ASB5: variants seen among roughly 807,000 people sequenced by gnomAD.
ASB5 encodes ankyrin repeat and SOCS box protein 5.
Under a neutral mutation model 42.1 loss-of-function variants are expected in ASB5, and 45 were observed. The ratio of observed to expected loss-of-function variants is 1.07; its 90% CI spans 0.84 to 1.37. The LOEUF (loss-of-function observed/expected upper bound fraction) is 1.37, where lower values mean the gene tolerates loss of function less well. ASB5 is among the 40% of genes most tolerant of loss of function. The probability of loss-of-function intolerance (pLI) is 0.00; values close to 1 mark genes in which losing one functional copy is unlikely to be tolerated. For missense variants in ASB5, 402 were observed against 399.8 expected (o/e 1.01, Z -0.05); for synonymous variants, 147 against 150.6 (o/e 0.98, Z 0.18).
At chr4:176,273,459 A>G (rs565221036), upstream of ASB5, among the ~76,000 whole-genome samples, 1 of 152,282 alleles carries the variant, frequency 6.6e-6, no homozygotes, top group South Asian at 2.1e-4. Flanking sequence ...AAATCTCGTG[A>G]GAAAAAAAAA....
chr4:176,258,360 A>T (rs1370723973), intron 1 of ASB5, among the ~76,000 whole-genome samples: 3 of 152,196 alleles, frequency 2.0e-5, no homozygotes, highest in Admixed American at 6.5e-5. Context: ...ACATTGTGCA[A>T]TATGCAAGGG....
intron 1 of ASB5, among the ~76,000 whole-genome samples, chr4:176,236,535 C>A (rs1753688387): frequency 6.6e-6 from 1 of 152,126 alleles, no homozygotes; most frequent in Non-Finnish European, 1.5e-5. Flanking sequence ...AGTAGGGATC[C>A]AGTTGCTTTC....
chr4:176,259,201 C>T (rs1409965491), intron 1 of ASB5, among the ~76,000 whole-genome samples: 2 of 152,096 alleles, frequency 1.3e-5, no homozygotes, highest in African/African-American at 2.4e-5. Context: ...AACAGATCTG[C>T]GACCTGTGTA....
intron 1 of ASB5, among the ~76,000 whole-genome samples, chr4:176,231,223 T>A (rs574871792): frequency 1.3e-5 from 1 of 78,066 alleles, no homozygotes; most frequent in Admixed American, 1.3e-4. Context: ...ATCCGACTCA[T>A]AATTTTTTTT....
chr4:176,271,488 A>G (rs756918062), upstream of ASB5, among the ~76,000 whole-genome samples: 2 of 152,192 alleles, frequency 1.3e-5, no homozygotes, highest in African/African-American at 2.4e-5. Flanking sequence ...ATGTTTTTAT[A>G]ATATACCATG....
intron 2 of ASB5, 125 bp downstream of exon 2, chr4:176,225,137 A>G: frequency 1.5e-6 from 1 of 658,974 alleles, no homozygotes; most frequent in Non-Finnish European, 2.6e-6. Context: ...CTTCTCTGAC[A>G]TGAGTTAAAA....
At chr4:176,217,837 A>G (rs959885598) in intron 5 of ASB5, among the ~76,000 whole-genome samples, 8 of 152,050 alleles carry the variant, frequency 5.3e-5, no homozygotes, top group Admixed American at 1.3e-4. Context: ...ATAAAAATGC[A>G]TAAGTTCTTT....
At chr4:176,234,278 G>T (rs1753627663) in intron 1 of ASB5, among the ~76,000 whole-genome samples, 2 of 152,100 alleles carry the variant, frequency 1.3e-5, no homozygotes, top group South Asian at 4.1e-4. Context: ...TCTGATCTCG[G>T]GTTCTACCCA....
At chr4:176,218,853 T>C (rs1400697292) in intron 5 of ASB5, among the ~76,000 whole-genome samples, 1 of 58,026 alleles carries the variant, frequency 1.7e-5, no homozygotes, top group African/African-American at 7.3e-5. Context: ...ATTTGTATGA[T>C]ATATAAATAT....
chr4:176,237,493 G>A (rs975461717), intron 1 of ASB5: 30 of 985,576 alleles, frequency 3.0e-5, no homozygotes, highest in Admixed American at 6.1e-5. Flanking sequence ...AAATATCAGC[G>A]TCTGGATTTC....
At chr4:176,273,172 A>T (rs962793742), upstream of ASB5, among the ~76,000 whole-genome samples, 1 of 152,064 alleles carries the variant, frequency 6.6e-6, no homozygotes, top group Non-Finnish European at 1.5e-5. Context: ...TTTATTCCTA[A>T]TATTCCAAAA....
chr4:176,223,694 A>G (rs567486545), intron 2 of ASB5, among the ~76,000 whole-genome samples: 41 of 152,338 alleles, frequency 2.7e-4, no homozygotes, highest in African/African-American at 8.9e-4. Context: ...GCCAGCAGTC[A>G]GACCTGGGAA....
At chr4:176,242,083 C>T (rs1383280725) in intron 1 of ASB5, among the ~76,000 whole-genome samples, 1 of 152,088 alleles carries the variant, frequency 6.6e-6, no homozygotes, top group Non-Finnish European at 1.5e-5. Context: ...CAAACACCCA[C>T]GGCACCTGGT....
chr4:176,260,595 A>G (rs1754245346), intron 1 of ASB5, among the ~76,000 whole-genome samples: 1 of 152,180 alleles, frequency 6.6e-6, no homozygotes, highest in African/African-American at 2.4e-5. Context: ...AGCATTGCTG[A>G]GGGAAGGCTG....
In ASB5 at chr4:176,215,289, A is replaced by T; in HGVS notation, c.*311T>A. ...TAAATATAATATGAATAACTTTACT[A>T]GGAGCTTTATTTCTTTCCAATCCAA... is the stretch of plus-strand genomic sequence containing the variant. On this transcript the variant is annotated 3_prime_UTR_variant, in exon 7 of 7. Transcript: ENST00000296525. 1 of 178,116 alleles carries T rather than the reference A, an allele frequency of 5.6e-6. No individual in the cohort carries two copies. The highest frequency in any genetic ancestry group is 1.2e-5 in the Non-Finnish European group (1 of 86,012). 11.0% of individuals were successfully genotyped at this position (178,116 alleles called of 1,614,324 possible).
At chr4:176,230,964 T>TA (rs1221488112) in intron 1 of ASB5, among the ~76,000 whole-genome samples, 3 of 152,244 alleles carry the variant, frequency 2.0e-5, no homozygotes, top group Non-Finnish European at 4.4e-5. Context: ...TTCACCATGC[T>TA]AATCAAATTC....
intron 5 of ASB5, 64 bp from the exon 6 acceptor site, chr4:176,217,073 G>T: frequency 2.9e-6 from 4 of 1,370,110 alleles, no homozygotes; most frequent in Non-Finnish European, 4.0e-6. Context: ...AGCTGCCTCA[G>T]TGGGGATAGA....
At chr4:176,265,401 A>C (rs1016788906) in intron 1 of ASB5, among the ~76,000 whole-genome samples, 4 of 152,184 alleles carry the variant, frequency 2.6e-5, no homozygotes, top group African/African-American at 2.4e-5. Context: ...CTGGAAAGTG[A>C]CTATTAGCTG....
At chr4:176,254,096 C>G (rs1487426925) in intron 1 of ASB5, among the ~76,000 whole-genome samples, 2 of 152,114 alleles carry the variant, frequency 1.3e-5, no homozygotes, top group African/African-American at 4.8e-5. Context: ...AAAAAAGAGC[C>G]TGAAGAGCCA....
Sources: gnomAD v4.1 joint callset for allele counts (sites outside exome capture counted in the v4.1 genomes callset) on GRCh38, gnomAD v4.1.1 for gene constraint, MANE v1.5 for transcripts, NCBI Gene and HGNC (gene_info 2026-07-23, HGNC 2026-07-21) for gene names.